Variants in SLC25A21 observed in about 807,000 individuals in gnomAD.
SLC25A21 encodes solute carrier family 25 member 21, also known as mitochondrial 2-oxodicarboxylate carrier.
A neutral mutation model predicts 43.8 loss-of-function variants in SLC25A21; 47 were observed. That is an observed-to-expected ratio of 1.07 (90% CI 0.85 to 1.37). The LOEUF (loss-of-function observed/expected upper bound fraction) is 1.37, where lower values mean the gene tolerates loss of function less well. Among genes scored for constraint, SLC25A21 ranks in the 40% most tolerant of loss-of-function variants. The probability of loss-of-function intolerance (pLI) is 0.00; values close to 1 mark genes in which losing one functional copy is unlikely to be tolerated. For synonymous variants in SLC25A21, 131 were observed against 121.3 expected, an observed-to-expected ratio of 1.08 and a Z score of -0.52; for missense variants, 352 against 350.2, an observed-to-expected ratio of 1.00 and a Z score of -0.04.
intron 3 of SLC25A21, among the ~76,000 whole-genome samples, chr14:36,796,458 G>A (rs1401717221): frequency 6.7e-6 from 1 of 150,076 alleles, no homozygotes; most frequent in African/African-American, 2.5e-5. Flanking sequence ...TTTAAACAGA[G>A]TTGAACATTT....
intron 1 of SLC25A21, among the ~76,000 whole-genome samples, chr14:37,003,139 G>A (rs949711952): frequency 3.9e-5 from 6 of 152,202 alleles, no homozygotes; most frequent in Non-Finnish European, 8.8e-5. Flanking sequence ...ACATACCTAT[G>A]ACTAAGTTTA....
intron 2 of SLC25A21, among the ~76,000 whole-genome samples, chr14:36,830,925 C>T (rs1300595664): frequency 6.6e-6 from 1 of 152,128 alleles, no homozygotes; most frequent in Admixed American, 6.6e-5. Context: ...CCTGCCAAAC[C>T]CAGCACACAC....
chr14:37,119,550 C>T (rs1174213450), intron 1 of SLC25A21, among the ~76,000 whole-genome samples: 3 of 109,380 alleles, frequency 2.7e-5, no homozygotes, highest in Non-Finnish European at 5.3e-5. Context: ...GAGTGAGACA[C>T]CATAAAAAAA....
In SLC25A21 at chr14:36,936,506, T is replaced by A. The variant is rs189316852; in HGVS notation, c.71-61502A>T. Among the ~76,000 whole-genome samples, 41 of 152,304 alleles carry A rather than the reference T, an allele frequency of 2.7e-4. No individual in the cohort carries two copies. The East Asian group carries it at 7.5e-3, about 28-fold the overall frequency. ...ACTTTTCCATGTTTGGTAACTAATG[T>A]GTGATAGAAATGTTGACAATGTAAA... On this transcript the variant is annotated intron_variant, in intron 1 of 9. Transcript: ENST00000331299.
chr14:36,942,038 C>T (rs573087006), intron 1 of SLC25A21, among the ~76,000 whole-genome samples: 1 of 151,844 alleles, frequency 6.6e-6, no homozygotes, highest in Admixed American at 6.6e-5. Flanking sequence ...CTTATGACTC[C>T]GGAAATATGC....
chr14:37,100,899 TTAGAA>T (rs1226215512), intron 1 of SLC25A21, among the ~76,000 whole-genome samples: 6 of 152,222 alleles, frequency 3.9e-5, no homozygotes, highest in Admixed American at 3.9e-4. Context: ...ACATGTAAAC[TTAGAA>T]TAGTGCCTGA....
At chr14:37,017,206 T>G (rs1960876652) in intron 1 of SLC25A21, among the ~76,000 whole-genome samples, 1 of 152,074 alleles carries the variant, frequency 6.6e-6, no homozygotes, top group African/African-American at 2.4e-5. Flanking sequence ...CTTAATCATT[T>G]CTGGCTTTTG....
chr14:36,727,439 G>A (rs1363860606), intron 5 of SLC25A21, among the ~76,000 whole-genome samples: 1 of 152,242 alleles, frequency 6.6e-6, no homozygotes, highest in Admixed American at 6.5e-5. Context: ...TGTAATCCCA[G>A]CACTTTGGGA....
At chr14:36,809,934 A>G (rs1469617259) in intron 3 of SLC25A21, among the ~76,000 whole-genome samples, 2 of 152,150 alleles carry the variant, frequency 1.3e-5, no homozygotes, top group African/African-American at 4.8e-5. Flanking sequence ...AGTCAAAAGA[A>G]CTTCTTTAAC....
intron 1 of SLC25A21, among the ~76,000 whole-genome samples, chr14:36,975,369 T>C (rs895866131): frequency 2.0e-5 from 3 of 152,056 alleles, no homozygotes; most frequent in African/African-American, 7.2e-5. Flanking sequence ...CAATAACTTA[T>C]GGAAAGATAA....
chr14:37,088,513 T>C (rs2138847347), intron 1 of SLC25A21, among the ~76,000 whole-genome samples: 1 of 152,344 alleles, frequency 6.6e-6, no homozygotes, highest in Non-Finnish European at 1.5e-5. Context: ...TGGAATGGCC[T>C]CCTGCCACGT....
chr14:36,953,411 A>T (rs1197575608), intron 1 of SLC25A21, among the ~76,000 whole-genome samples: 3 of 152,186 alleles, frequency 2.0e-5, no homozygotes, highest in Non-Finnish European at 2.9e-5. Context: ...TATAGATAGC[A>T]TATATAGTCA....
intron 1 of SLC25A21, among the ~76,000 whole-genome samples, chr14:37,117,868 GT>G (rs67564941): frequency 0.91 from 137,326 of 151,168 alleles, 62,915 homozygotes; most frequent in East Asian, 1. Context: ...TTTTTTGTTT[GT>G]TTTTTTTTTT....
intron 7 of SLC25A21, among the ~76,000 whole-genome samples, chr14:36,704,782 T>C (rs1307095870): frequency 6.6e-6 from 1 of 152,128 alleles, no homozygotes; most frequent in Non-Finnish European, 1.5e-5. Flanking sequence ...CCCACCCCTG[T>C]CATATGGCTT....
intron 1 of SLC25A21, among the ~76,000 whole-genome samples, chr14:37,070,692 T>C (rs1359349589): frequency 1.3e-5 from 2 of 152,230 alleles, no homozygotes; most frequent in Non-Finnish European, 2.9e-5. Context: ...CACATCATGT[T>C]CCTGGTGCAG....
At chr14:36,724,611 A>G (rs1467371190) in intron 6 of SLC25A21, among the ~76,000 whole-genome samples, 4 of 152,244 alleles carry the variant, frequency 2.6e-5, no homozygotes, top group Non-Finnish European at 5.9e-5. Context: ...AGAATAAAAC[A>G]AGAACAGCTG....
rs183856340 is a variant in SLC25A21, at chr14:37,053,347, C to G, written c.70+118934G>C. Among the ~76,000 whole-genome samples the G allele has an allele frequency of 3.3e-5, 5 of 152,224 alleles. No individual in the cohort carries two copies. In the East Asian group the frequency reaches 9.7e-4, roughly 29 times the overall value. On this transcript the variant is annotated intron_variant, in intron 1 of 9. Coordinates refer to ENST00000331299, the MANE Select transcript of SLC25A21 (RefSeq NM_030631.4). Reference sequence around the variant, plus strand: ...TTTTGCAGAGGAATCTATTAGAGAACAAGTTTCATGCAATCAAAATTACTA... The same window carrying G: ...TTTTGCAGAGGAATCTATTAGAGAAGAAGTTTCATGCAATCAAAATTACTA...
intron 1 of SLC25A21, among the ~76,000 whole-genome samples, chr14:37,142,126 A>C (rs1963581955): frequency 1.3e-5 from 2 of 152,342 alleles, no homozygotes; most frequent in South Asian, 2.1e-4. Flanking sequence ...ATTGTGCCAA[A>C]CAGCAGGCTA....
At chr14:36,713,077 C>T (rs537136797) in intron 6 of SLC25A21, among the ~76,000 whole-genome samples, 1 of 152,268 alleles carries the variant, frequency 6.6e-6, no homozygotes, top group Non-Finnish European at 1.5e-5. Context: ...GCCTGACTAA[C>T]ACAGGTTCTC....
Sources: gnomAD v4.1 joint callset for allele counts (sites outside exome capture counted in the v4.1 genomes callset) on GRCh38, gnomAD v4.1.1 for gene constraint, MANE v1.5 for transcripts, NCBI Gene and HGNC (gene_info 2026-07-23, HGNC 2026-07-21) for gene names.